The following EBF1 variants were observed in gnomAD, a reference collection of about 807,000 sequenced individuals.
EBF1 encodes EBF transcription factor 1.
A neutral mutation model predicts 68.4 loss-of-function variants in EBF1; 10 were observed. The ratio of observed to expected loss-of-function variants is 0.15; its 90% CI spans 0.09 to 0.25. The LOEUF (loss-of-function observed/expected upper bound fraction) is 0.25. Among genes scored for constraint, EBF1 ranks in the 10% least tolerant of loss-of-function variants. The pLI is 1.00. For missense variants in EBF1, 509 were observed against 794.4 expected, an observed-to-expected ratio of 0.64 and a Z score of 4.32; for synonymous variants, 298 against 299.8, an observed-to-expected ratio of 0.99 and a Z score of 0.06.
At chr5:158,885,162 G>A (rs1799783651) in intron 6 of EBF1, among the ~76,000 whole-genome samples, 1 of 152,216 alleles carries the variant, frequency 6.6e-6, no homozygotes, top group African/African-American at 2.4e-5. Flanking sequence ...GACCACTGAA[G>A]ACACAGGCAA....
intron 6 of EBF1, among the ~76,000 whole-genome samples, chr5:158,845,150 T>G (rs1417272003): frequency 6.6e-6 from 1 of 152,168 alleles, no homozygotes; most frequent in Non-Finnish European, 1.5e-5. Flanking sequence ...CTCAACTAAA[T>G]GGAGTCTAGG....
intron 8 of EBF1, among the ~76,000 whole-genome samples, chr5:158,810,081 T>C (rs1451967415): frequency 6.6e-6 from 1 of 152,170 alleles, no homozygotes; most frequent in Non-Finnish European, 1.5e-5. Context: ...AGGTTTGACT[T>C]TATAGATTTG....
chr5:159,082,441 G>A (rs1425175815), intron 5 of EBF1, among the ~76,000 whole-genome samples: 1 of 152,202 alleles, frequency 6.6e-6, no homozygotes, highest in African/African-American at 2.4e-5. Context: ...TAATGGTGGT[G>A]CATAGCAATT....
At chr5:158,905,616 G>A (rs1804416129) in intron 6 of EBF1, among the ~76,000 whole-genome samples, 1 of 152,142 alleles carries the variant, frequency 6.6e-6, no homozygotes, top group South Asian at 2.1e-4. Flanking sequence ...AAATGTTTTG[G>A]TACTAATTTG....
At chr5:158,746,702 G>A (rs944255026) in intron 10 of EBF1, among the ~76,000 whole-genome samples, 1 of 152,066 alleles carries the variant, frequency 6.6e-6, no homozygotes, top group African/African-American at 2.4e-5. Flanking sequence ...TGCTCCTATT[G>A]AAGCCTGGTG....
chr5:158,714,139 T>C lies in EBF1; in HGVS notation c.1169A>G (p.Tyr390Cys). ...KRAADLVEAL[Y>C]GMPHNNQEII... Reference sequence around the variant, plus strand: ...CACCTGGTTGTTGTGTGGCATCCCATACAGTGCTTCTACCAGATCCGCAGC... The same window carrying C: ...CACCTGGTTGTTGTGTGGCATCCCACACAGTGCTTCTACCAGATCCGCAGC... The change falls in exon 12 of 16, where the codon TAT becomes TGT. Residue 390 changes from tyrosine to cysteine, a missense_variant. By Grantham distance (194) the Tyr-to-Cys change is radical. Transcript: ENST00000313708. The C allele has an allele frequency of 6.2e-7, 1 of 1,614,262 alleles. No individual in the cohort carries two copies. The highest frequency in any genetic ancestry group is 8.5e-7 in the Non-Finnish European group (1 of 1,180,040).
At chr5:159,002,583 G>A (rs1385935489) in intron 6 of EBF1, among the ~76,000 whole-genome samples, 1 of 152,106 alleles carries the variant, frequency 6.6e-6, no homozygotes, top group Non-Finnish European at 1.5e-5. Flanking sequence ...AAAATCCATA[G>A]GGCATTCATC....
At chr5:158,902,028 T>C (rs1583021163) in intron 6 of EBF1, among the ~76,000 whole-genome samples, 1 of 151,990 alleles carries the variant, frequency 6.6e-6, no homozygotes. Context: ...GGGGCGGAGG[T>C]TGCAGTGAGC....
intron 6 of EBF1, among the ~76,000 whole-genome samples, chr5:158,974,835 C>T (rs1316902713): frequency 6.6e-6 from 1 of 152,166 alleles, no homozygotes; most frequent in African/African-American, 2.4e-5. Flanking sequence ...AAGCTAAAAA[C>T]GTTGCTGGGG....
intron 6 of EBF1, among the ~76,000 whole-genome samples, chr5:158,952,426 T>C (rs1284669507): frequency 6.6e-6 from 1 of 152,224 alleles, no homozygotes; most frequent in Non-Finnish European, 1.5e-5. Flanking sequence ...AAAAGGACTT[T>C]TTTTTTGTCC....
chr5:158,857,018 C>A (rs1794166500), intron 6 of EBF1, among the ~76,000 whole-genome samples: 1 of 152,134 alleles, frequency 6.6e-6, no homozygotes, highest in African/African-American at 2.4e-5. Context: ...TTCTTCTGCC[C>A]TTGAAACAAT....
At chr5:158,919,635 C>T (rs781149135) in intron 6 of EBF1, among the ~76,000 whole-genome samples, 1 of 152,098 alleles carries the variant, frequency 6.6e-6, no homozygotes, top group Non-Finnish European at 1.5e-5. Context: ...TGAAACAGAA[C>T]CACATCTTCT....
chr5:158,946,623 C>A (rs1814784223), intron 6 of EBF1, among the ~76,000 whole-genome samples: 1 of 152,220 alleles, frequency 6.6e-6, no homozygotes, highest in Non-Finnish European at 1.5e-5. Flanking sequence ...TGTCTGTCGA[C>A]CACTGCTGGG....
chr5:159,046,895 T>C (rs985172969), intron 6 of EBF1, among the ~76,000 whole-genome samples: 7 of 152,184 alleles, frequency 4.6e-5, no homozygotes, highest in Non-Finnish European at 1.0e-4. Context: ...TGAACAGAGC[T>C]GGGAAAAGAT....
intron 10 of EBF1, among the ~76,000 whole-genome samples, chr5:158,751,275 G>A (rs1361323267): frequency 6.6e-6 from 1 of 151,768 alleles, no homozygotes. Flanking sequence ...ATCTAAGCAC[G>A]TATTAGAGAG....
chr5:158,883,569 T>C (rs1799394643), intron 6 of EBF1, among the ~76,000 whole-genome samples: 1 of 152,092 alleles, frequency 6.6e-6, no homozygotes. Flanking sequence ...GCTCCAGAGA[T>C]GGTAGCCTTG....
chr5:159,082,752 A>T (rs932927073), intron 5 of EBF1, among the ~76,000 whole-genome samples: 7 of 152,218 alleles, frequency 4.6e-5, no homozygotes, highest in African/African-American at 1.7e-4. Flanking sequence ...GAAAACCCGT[A>T]ATCTGTAACA....
At chr5:159,056,637 CT>C (rs1774792505) in intron 6 of EBF1, among the ~76,000 whole-genome samples, 1 of 152,134 alleles carries the variant, frequency 6.6e-6, no homozygotes, top group Non-Finnish European at 1.5e-5. Context: ...ATACAGTGTA[CT>C]TTTTTCCCCT....
intron 6 of EBF1, among the ~76,000 whole-genome samples, chr5:158,868,747 T>C (rs1796356821): frequency 6.6e-6 from 1 of 152,176 alleles, no homozygotes; most frequent in African/African-American, 2.4e-5. Flanking sequence ...ACAATTTTCA[T>C]GCAGTGAAGA....
Sources: gnomAD v4.1 joint callset for allele counts (sites outside exome capture counted in the v4.1 genomes callset) on GRCh38, gnomAD v4.1.1 for gene constraint, MANE v1.5 for transcripts, NCBI Gene and HGNC (gene_info 2026-07-23, HGNC 2026-07-21) for gene names.